BCAS3: variants seen among roughly 807,000 people sequenced by gnomAD.
BCAS3 encodes the protein BCAS4/BCAS3 fusion.
Under a neutral mutation model 116.1 loss-of-function variants are expected in BCAS3, and 53 were observed. The ratio of observed to expected loss-of-function variants is 0.46; its 90% confidence interval spans 0.37 to 0.57. The LOEUF (loss-of-function observed/expected upper bound fraction) is 0.57, where lower values mean the gene tolerates loss of function less well. Ranked by LOEUF, BCAS3 falls within the 20% of genes least tolerant of loss-of-function variation. BCAS3 has a pLI of 0.00. For synonymous variants in BCAS3, 391 were observed against 408.2 expected (o/e 0.96, Z 0.51); for missense variants, 917 against 1,165.4 (o/e 0.79, Z 3.10).
chr17:61,238,434 G>T, intron 22 of BCAS3, among the ~76,000 whole-genome samples: 1 of 151,972 alleles, frequency 6.6e-6, no homozygotes, highest in East Asian at 1.9e-4. Context: ...CGTTGGCCAG[G>T]CTGGTCTCGA....
chr17:61,038,072 TTTTTC>T lies in BCAS3; in HGVS notation c.1928+23_1928+27del, dbSNP rs2067184091. 6.2e-7 allele frequency: 1 copy of T among 1,601,960 alleles called. No individual in the cohort carries two copies. The highest frequency in any genetic ancestry group is 1.4e-5 in the African/African-American group (1 of 73,930). ...CTGGTTAGGTAGTACCTCTTTTCTT[TTTTTC>T]TTTTTAACAGCTTCATTAAGGTATA... On this transcript the variant is annotated intron_variant, in intron 18 of 23. Transcript: ENST00000407086.
intron 14 of BCAS3, among the ~76,000 whole-genome samples, chr17:60,966,733 A>C (rs980403026): frequency 5.3e-5 from 8 of 150,424 alleles, no homozygotes; most frequent in Admixed American, 5.3e-4. Context: ...GCTCATTGCA[A>C]CCTCCGTCTC....
intron 22 of BCAS3, among the ~76,000 whole-genome samples, chr17:61,334,210 G>T (rs747988880): frequency 6.6e-6 from 1 of 152,162 alleles, no homozygotes; most frequent in Non-Finnish European, 1.5e-5. Flanking sequence ...GATGAGAGAG[G>T]GAGGATATGG....
At chr17:61,002,072 A>T (rs541642853) in intron 15 of BCAS3, among the ~76,000 whole-genome samples, 2 of 152,120 alleles carry the variant, frequency 1.3e-5, no homozygotes, top group African/African-American at 4.8e-5. Flanking sequence ...GGTATAGATA[A>T]CGTAGTTTTG....
At chr17:61,320,157 T>G (rs2055088749) in intron 22 of BCAS3, among the ~76,000 whole-genome samples, 1 of 151,694 alleles carries the variant, frequency 6.6e-6, no homozygotes, top group Non-Finnish European at 1.5e-5. Flanking sequence ...CCCAAAGTGC[T>G]GGGATTACAG....
chr17:61,333,723 C>T lies in BCAS3; in HGVS notation c.2426-34604C>T, dbSNP rs908637968. On this transcript the variant is annotated intron_variant, in intron 22 of 23. Coordinates refer to ENST00000407086, the MANE Select transcript of BCAS3 (RefSeq NM_017679.5). This position sits in a 1 kb window ranked among gnomAD's most constrained non-coding sequence, Gnocchi z 4.8. ...GCAACCTCTGCCTCCCAGGTTCAAG[C>T]GATTCTCCTGCCTCAGCCTCCCGAG... 4.6e-5 allele frequency among the ~76,000 whole-genome samples: 7 copies of T among 151,346 alleles called. No individual in the cohort carries two copies. The highest frequency in any genetic ancestry group is 9.7e-5 in the African/African-American group (4 of 41,096).
At chr17:61,093,412 CTCTG>C (rs1483656600) in intron 22 of BCAS3, among the ~76,000 whole-genome samples, 1 of 152,066 alleles carries the variant, frequency 6.6e-6, no homozygotes, top group East Asian at 1.9e-4. Context: ...CACAGCAAAA[CTCTG>C]TCTGTACAAA....
chr17:61,186,482 C>T lies in BCAS3; in HGVS notation c.2425+101918C>T, dbSNP rs1182243189. Among the ~76,000 whole-genome samples, 3 of 152,202 alleles carry T rather than the reference C, an allele frequency of 2.0e-5. No individual in the cohort carries two copies. The highest frequency in any genetic ancestry group is 2.9e-5 in the Non-Finnish European group (2 of 68,040). On this transcript the variant is annotated intron_variant, in intron 22 of 23. Transcript: ENST00000407086. The surrounding 1 kb of genome is among the most constrained non-coding windows in gnomAD (Gnocchi z 4.9). ...CAATTTATGCTGCGTAACTCAGAGC[C>T]TGCTTCCACTTTTTCATACTTGAAT...
Position 61,173,542 on chromosome 17 carries a change from A to T in BCAS3, c.2425+88978A>T, listed in dbSNP as rs577626849. ...AACAGTACTTAGAGGGAAATTTATA[A>T]CACAAAATGCCTATATTAGAAAAGA... On this transcript the variant is annotated intron_variant, in intron 22 of 23. Coordinates refer to ENST00000407086, the MANE Select transcript of BCAS3 (RefSeq NM_017679.5). 9.2e-5 allele frequency among the ~76,000 whole-genome samples: 14 copies of T among 152,298 alleles called. No individual in the cohort carries two copies. The East Asian group carries it at 2.5e-3, about 27-fold the overall frequency.
Position 61,141,497 on chromosome 17 carries a change from G to A in BCAS3, c.2425+56933G>A, listed in dbSNP as rs925900221. Reference sequence around the variant, plus strand: ...TCCTTGAGTCCAGGAGTTCGAGACTGCAGTGAGTTATGATCACACCACAGC... The same window carrying A: ...TCCTTGAGTCCAGGAGTTCGAGACTACAGTGAGTTATGATCACACCACAGC... On this transcript the variant is annotated intron_variant, in intron 22 of 23. Coordinates refer to ENST00000407086, the MANE Select transcript of BCAS3 (RefSeq NM_017679.5). This position sits in a 1 kb window ranked among gnomAD's most constrained non-coding sequence, Gnocchi z 4.3. 2.6e-5 allele frequency among the ~76,000 whole-genome samples: 4 copies of A among 152,174 alleles called. No individual in the cohort carries two copies. Among genetic ancestry groups the A allele is most frequent in the African/African-American group, 9.7e-5 (4 of 41,438 alleles).
chr17:61,201,122 T>G lies in BCAS3; in HGVS notation c.2425+116558T>G, dbSNP rs529098544. On this transcript the variant is annotated intron_variant, in intron 22 of 23. Coordinates refer to ENST00000407086, the MANE Select transcript of BCAS3 (RefSeq NM_017679.5). ...AGATAATGTTGAAATAAATACATTT[T>G]AACCCGAACCTAAAACCAAACAATG... 1.4e-3 allele frequency among the ~76,000 whole-genome samples: 218 copies of G among 152,372 alleles called. 2 individuals carry two copies. Among genetic ancestry groups the G allele is most frequent in the African/African-American group, 4.9e-3 (205 of 41,586 alleles).
chr17:60,855,833 G>A (rs1335029062), intron 7 of BCAS3, among the ~76,000 whole-genome samples: 1 of 151,962 alleles, frequency 6.6e-6, no homozygotes, highest in Non-Finnish European at 1.5e-5. Flanking sequence ...ACAGGTGCAT[G>A]CCACTATGCC....
intron 22 of BCAS3, among the ~76,000 whole-genome samples, chr17:61,272,636 CAAAAAAAAAAAAAAAAAAA>C (rs373837874): frequency 8.4e-5 from 4 of 47,390 alleles, no homozygotes; most frequent in East Asian, 1.8e-3. Flanking sequence ...AACCCTGTCT[CAAAAAAAAAAAAAAAAAAA>C]AAAAAAAAAA....
chr17:61,178,987 C>T (rs115661599), intron 22 of BCAS3, among the ~76,000 whole-genome samples: 1,755 of 151,976 alleles, frequency 0.012, 29 homozygotes, highest in African/African-American at 0.039. Flanking sequence ...TTGAGGAATT[C>T]AGGAGGTGGG....
chr17:60,789,946 G>T (rs934028943), intron 6 of BCAS3, among the ~76,000 whole-genome samples: 1 of 152,052 alleles, frequency 6.6e-6, no homozygotes, highest in East Asian at 1.9e-4. Context: ...ACCTTGAAAT[G>T]AGAATATTTT....
rs2061361205 is a variant in BCAS3 at position 60,960,476 on chromosome 17, G to A, written c.1221+13124G>A. Among the ~76,000 whole-genome samples, 1 of 152,168 alleles carries A rather than the reference G, an allele frequency of 6.6e-6. No individual in the cohort carries two copies. Among genetic ancestry groups the A allele is most frequent in the Non-Finnish European group, 1.5e-5 (1 of 68,032 alleles). On this transcript the variant is annotated intron_variant, in intron 14 of 23. Coordinates refer to ENST00000407086, the MANE Select transcript of BCAS3 (RefSeq NM_017679.5). The surrounding 1 kb of genome is among the most constrained non-coding windows in gnomAD (Gnocchi z 4.1). ...AAGGAAGAAATGGAAAAGAATAAAAGAGTCACTGGTTTCAAACATGTTTAA... is the reference window on the plus strand; with the variant it reads ...AAGGAAGAAATGGAAAAGAATAAAAAAGTCACTGGTTTCAAACATGTTTAA...
At chr17:61,299,112 C>A (rs150965658) in intron 22 of BCAS3, among the ~76,000 whole-genome samples, 1 of 151,610 alleles carries the variant, frequency 6.6e-6, no homozygotes, top group Non-Finnish European at 1.5e-5. Flanking sequence ...CATGAGCCAC[C>A]GTGCCTGGCC....
intron 16 of BCAS3, 46 bp downstream of exon 16, chr17:61,015,947 T>C: frequency 2.6e-6 from 4 of 1,542,802 alleles, no homozygotes; most frequent in Non-Finnish European, 3.5e-6. Context: ...TTTTATAGGG[T>C]TGAATGAATA....
At chr17:61,044,310 G>A (rs2067807057) in intron 19 of BCAS3, among the ~76,000 whole-genome samples, 2 of 151,538 alleles carry the variant, frequency 1.3e-5, no homozygotes, top group African/African-American at 4.9e-5. Context: ...AGCTGGGCGT[G>A]GTGGCGGGCG....
Sources: allele counts gnomAD v4.1 joint callset (sites outside exome capture counted in the v4.1 genomes callset), GRCh38; gene constraint gnomAD v4.1.1; non-coding constraint Gnocchi (gnomAD v3.1); transcripts MANE v1.5; gene names NCBI Gene and HGNC (gene_info 2026-07-23, HGNC 2026-07-21).